The following PPT2 variants were observed in gnomAD, a reference collection of about 807,000 sequenced individuals.
The protein encoded by PPT2 is lysosomal thioesterase PPT2.
In PPT2, 20 loss-of-function variants were observed where a neutral mutation model predicts 37.3. The ratio of observed to expected loss-of-function variants is 0.54; its 90% CI spans 0.38 to 0.78. PPT2 has a LOEUF of 0.78. Ranked by LOEUF, PPT2 falls within the 30% of genes least tolerant of loss-of-function variation. The pLI, the probability that PPT2 is intolerant of heterozygous loss-of-function variation, is 0.00. For synonymous variants in PPT2, 135 were observed against 159.1 expected, an observed-to-expected ratio of 0.85 and a Z score of 1.14; for missense variants, 270 against 389.8, an observed-to-expected ratio of 0.69 and a Z score of 2.59.
chr6:32,154,408 C>A lies in PPT2; in HGVS notation c.-9+4C>A. 5 of 1,449,602 alleles carry A rather than the reference C, an allele frequency of 3.4e-6. No individual in the cohort carries two copies. Among genetic ancestry groups the A allele is most frequent in the Non-Finnish European group, 4.5e-6 (5 of 1,107,650 alleles). 89.8% of individuals were successfully genotyped at this position (1,449,602 alleles called of 1,614,324 possible). A position where few individuals can be genotyped will look rare whatever the true frequency, so the allele number is the denominator to read the frequency against. ...GCGGGACTTCGGGTGCGCGTTGGTG[C>A]GTCAACGTGGTGGGGGGGTGTGTTT... On this transcript the variant is annotated splice_donor_region_variant and intron_variant, in intron 1 of 8. Coordinates refer to ENST00000324816, the MANE Select transcript of PPT2 (RefSeq NM_005155.7). This position sits in a 1 kb window ranked among gnomAD's most constrained non-coding sequence, Gnocchi z 7.3.
intron 7 of PPT2, 72 bp downstream of exon 7, chr6:32,157,996 C>T: frequency 7.8e-7 from 1 of 1,283,890 alleles, no homozygotes; most frequent in Non-Finnish European, 1.1e-6. Context: ...TTATCTCATG[C>T]CTAAACTGGC....
At chr6:32,153,849 G>T, upstream of PPT2, 3 of 1,055,378 alleles carry the variant, frequency 2.8e-6, no homozygotes, top group Non-Finnish European at 2.6e-6. This position sits in a 1 kb window ranked among gnomAD's most constrained non-coding sequence, Gnocchi z 4.4. Flanking sequence ...GTATTGGGAA[G>T]TGGGGAGAAT....
intron 7 of PPT2, 41 bp downstream of exon 7, chr6:32,157,965 T>G (rs1783907918): frequency 6.6e-7 from 1 of 1,523,800 alleles, no homozygotes; most frequent in Non-Finnish European, 9.0e-7. Context: ...GCTAAAGACA[T>G]CCCCCAACCC....
At chr6:32,153,645 C>G (rs1419992125), upstream of PPT2, 1 of 1,071,838 alleles carries the variant, frequency 9.3e-7, no homozygotes, top group Non-Finnish European at 1.3e-6. The surrounding 1 kb of genome is among the most constrained non-coding windows in gnomAD (Gnocchi z 4.4). Flanking sequence ...TTGTAAGTCG[C>G]TGACCTGGGG....
In PPT2 at chr6:32,162,551, C is replaced by A; in HGVS notation, c.711-17C>A. 6.2e-7 allele frequency: 1 copy of A among 1,602,598 alleles called. No homozygotes were observed. Among genetic ancestry groups the A allele is most frequent in the Non-Finnish European group, 8.6e-7 (1 of 1,169,528 alleles). On this transcript the variant is annotated splice_polypyrimidine_tract_variant and intron_variant, in intron 7 of 8. Transcript: ENST00000324816. This position sits in a 1 kb window ranked among gnomAD's most constrained non-coding sequence, Gnocchi z 5.5. ...TCTCCAGCTCTTCTGATAACCTCCC[C>A]CCAAATCTCTTTGTAGCTTCTTTGG...
At chr6:32,159,452 ATATAT>A (rs368519335) in intron 7 of PPT2, among the ~76,000 whole-genome samples, 13 of 107,432 alleles carry the variant, frequency 1.2e-4, no homozygotes, top group East Asian at 2.6e-4. Flanking sequence ...AAAAAAAAAA[ATATAT>A]ATATATATAT....
In PPT2 at chr6:32,154,669, G is replaced by C; in HGVS notation, c.75G>C (p.Leu25=). The stretch of plus-strand genomic sequence containing the variant: ...TGTTGCCTTTCCTGCCGCTGCTGCT[G>C]CTTGCAGCCCCCGCGCCCCACCGCG... ...LLLLPFLPLL[L]LAAPAPHRAS... The change falls in exon 2 of 9, where the codon CTG becomes CTC. Residue 25 remains leucine (L), a synonymous_variant. Transcript: ENST00000324816. This position sits in a 1 kb window ranked among gnomAD's most constrained non-coding sequence, Gnocchi z 7.3. 1 of 1,612,976 alleles carries C rather than the reference G, an allele frequency of 6.2e-7. No individual in the cohort carries two copies. Among genetic ancestry groups the C allele is most frequent in the Non-Finnish European group, 8.5e-7 (1 of 1,179,968 alleles).
chr6:32,154,106 C>G, upstream of PPT2: 8 of 1,079,798 alleles, frequency 7.4e-6, no homozygotes, highest in Non-Finnish European at 7.9e-6. The surrounding 1 kb of genome is among the most constrained non-coding windows in gnomAD (Gnocchi z 7.3). Context: ...CGGATTTGCG[C>G]GACCCCAAGC....
At position 32,156,091 on chromosome 6, in the gene PPT2, T is replaced by A; in HGVS notation, c.541+113T>A. 1.1e-6 allele frequency: 1 copy of A among 902,620 alleles called. No individual in the cohort carries two copies. Among genetic ancestry groups the A allele is most frequent in the South Asian group, 1.5e-5 (1 of 65,454 alleles). 55.9% of individuals were successfully genotyped at this position (902,620 alleles called of 1,614,324 possible). On this transcript the variant is annotated intron_variant, in intron 5 of 8. Coordinates refer to ENST00000324816, the MANE Select transcript of PPT2 (RefSeq NM_005155.7). This position sits in a 1 kb window ranked among gnomAD's most constrained non-coding sequence, Gnocchi z 4.9. Reference sequence around the variant, plus strand: ...GATAACTTACATTTATTGAGTTATTTGAACAGGCTCTGTTCAGAATTTTTT... The same window carrying A: ...GATAACTTACATTTATTGAGTTATTAGAACAGGCTCTGTTCAGAATTTTTT...
chr6:32,154,132 C>T (rs1182576635), upstream of PPT2: 6 of 1,092,108 alleles, frequency 5.5e-6, no homozygotes, highest in African/African-American at 6.6e-5. The surrounding 1 kb of genome is among the most constrained non-coding windows in gnomAD (Gnocchi z 7.3). Flanking sequence ...GCCCTTCCCC[C>T]TCCCATCCGT....
chr6:32,157,710 C>G lies in PPT2; in HGVS notation c.615C>G (p.Pro205=). The G allele has an allele frequency of 7.5e-6, 12 of 1,593,762 alleles. No individual in the cohort carries two copies. The highest frequency in any genetic ancestry group is 1.0e-5 in the Non-Finnish European group (12 of 1,162,296). Residue 205 remains proline (P), a synonymous_variant, in exon 6 of 9, where the codon CCC becomes CCG. Coordinates refer to ENST00000324816, the MANE Select transcript of PPT2 (RefSeq NM_005155.7). ...LALINGERDH[P]NATVWRKNFL... ...TGATCAATGGGGAAAGAGACCATCC[C>G]AATGCCACAGGTGAGAATTCAGGCT...
intron 7 of PPT2, among the ~76,000 whole-genome samples, chr6:32,161,948 C>T (rs1419752917): frequency 6.6e-6 from 1 of 152,114 alleles, no homozygotes; most frequent in African/African-American, 2.4e-5. Flanking sequence ...GAACTCCCGA[C>T]CTCAGGTGAT....
Position 32,154,846 on chromosome 6 carries a change from A to C in PPT2, c.183+69A>C, listed in dbSNP as rs1783642851. 6.4e-7 allele frequency: 1 copy of C among 1,554,766 alleles called. No individual in the cohort carries two copies. The highest frequency in any genetic ancestry group is 1.2e-5 in the South Asian group (1 of 84,938). ...CTGTGGCAGGGGAGGGAGAGCGGGGAACTGAAAGCCACCCCTCTGGGCCTG... is the reference window on the plus strand; with the variant it reads ...CTGTGGCAGGGGAGGGAGAGCGGGGCACTGAAAGCCACCCCTCTGGGCCTG... On this transcript the variant is annotated intron_variant, in intron 2 of 8. Transcript: ENST00000324816. The surrounding 1 kb of genome is among the most constrained non-coding windows in gnomAD (Gnocchi z 7.3).
Position 32,154,654 on chromosome 6 carries a change from C to A in PPT2, c.60C>A (p.Phe20Leu), listed in dbSNP as rs199569262. ...CGTGGGTCCTGCTTCTGTTGCCTTT[C>A]CTGCCGCTGCTGCTGCTTGCAGCCC... ...PAAWVLLLLPFLPLLLLAAPA... is the reference protein window; with the variant it reads ...PAAWVLLLLPLLPLLLLAAPA... Residue 20 changes from phenylalanine to leucine, a missense_variant, in exon 2 of 9, where the codon TTC (phenylalanine) becomes TTA (leucine). Physicochemically the swap from Phe to Leu is conservative, Grantham distance 22. Coordinates refer to ENST00000324816, the MANE Select transcript of PPT2 (RefSeq NM_005155.7). The surrounding 1 kb of genome is among the most constrained non-coding windows in gnomAD (Gnocchi z 7.3). 2.6e-4 allele frequency: 425 copies of A among 1,613,006 alleles called. 4 individuals carry two copies. In the Middle Eastern group the frequency reaches 2.6e-3, roughly 10 times the overall value.
chr6:32,154,576 C>T lies in PPT2; in HGVS notation c.-8-11C>T. ...CATCTCCCTCACATGCCCTTATCACCCCTTTCTCAGGCGGGAGCATGCTGG... is the reference window on the plus strand; with the variant it reads ...CATCTCCCTCACATGCCCTTATCACTCCTTTCTCAGGCGGGAGCATGCTGG... On this transcript the variant is annotated splice_polypyrimidine_tract_variant and intron_variant, in intron 1 of 8. Transcript: ENST00000324816. The surrounding 1 kb of genome is among the most constrained non-coding windows in gnomAD (Gnocchi z 7.3). 1.2e-6 allele frequency: 2 copies of T among 1,605,136 alleles called. No homozygotes were observed. The highest frequency in any genetic ancestry group is 2.2e-5 in the East Asian group (1 of 44,714).
At chr6:32,161,038 C>A (rs1018826764) in intron 7 of PPT2, among the ~76,000 whole-genome samples, 13 of 151,672 alleles carry the variant, frequency 8.6e-5, no homozygotes, top group African/African-American at 3.1e-4. Context: ...CATTTATACT[C>A]CTCACCTAGA....
chr6:32,154,490 G>A lies in PPT2; in HGVS notation c.-9+86G>A. 1 of 1,523,264 alleles carries A rather than the reference G, an allele frequency of 6.6e-7. No homozygotes were observed. Among genetic ancestry groups the A allele is most frequent in the Non-Finnish European group, 8.8e-7 (1 of 1,135,054 alleles). The allele number at this position is 1,523,264 out of a possible 1,614,324, so 94.4% of individuals were successfully genotyped here. A position where few individuals can be genotyped will look rare whatever the true frequency, so the allele number is the denominator to read the frequency against. On this transcript the variant is annotated intron_variant, in intron 1 of 8. Coordinates refer to ENST00000324816, the MANE Select transcript of PPT2 (RefSeq NM_005155.7). The surrounding 1 kb of genome is among the most constrained non-coding windows in gnomAD (Gnocchi z 7.3). ...GGCTATTTTGTGACACGGACCTGGT[G>A]TGGGAGCGAGAGGAGGTGGCTTGAT... is the stretch of plus-strand genomic sequence containing the variant.
rs1783832684 is a variant in PPT2, at chr6:32,156,843, G to A, written c.542-794G>A. Among the ~76,000 whole-genome samples the A allele has an allele frequency of 6.6e-6, 1 of 152,016 alleles. No homozygotes were observed. Among genetic ancestry groups the A allele is most frequent in the Non-Finnish European group, 1.5e-5 (1 of 68,014 alleles). ...GATTAAATAAATAAATGAATGCAAT[G>A]TACTTTGAATAGTACCTGGCTCATA... On this transcript the variant is annotated intron_variant, in intron 5 of 8. Coordinates refer to ENST00000324816, the MANE Select transcript of PPT2 (RefSeq NM_005155.7). The surrounding 1 kb of genome is among the most constrained non-coding windows in gnomAD (Gnocchi z 4.9).
chr6:32,157,469 T>A, intron 5 of PPT2, 168 bp from the exon 6 acceptor site: 1 of 633,780 alleles, frequency 1.6e-6, no homozygotes. Flanking sequence ...TGCCTCTACC[T>A]CCCAAAGTGC....
Sources: gnomAD v4.1 joint callset for allele counts (sites outside exome capture counted in the v4.1 genomes callset) on GRCh38, gnomAD v4.1.1 for gene constraint, Gnocchi (gnomAD v3.1) non-coding constraint, MANE v1.5 for transcripts, NCBI Gene and HGNC (gene_info 2026-07-23, HGNC 2026-07-21) for gene names.